Variants in CNTNAP2 observed in about 807,000 individuals in gnomAD.
The protein encoded by CNTNAP2 is contactin-associated protein-like 2.
In CNTNAP2, 98 loss-of-function variants were observed where a neutral mutation model predicts 155.2. That is an observed-to-expected ratio of 0.63 (90% CI 0.54 to 0.75). The LOEUF is 0.75. Ranked by LOEUF, CNTNAP2 falls within the 30% of genes least tolerant of loss-of-function variation. CNTNAP2 has a pLI of 0.00. For missense variants in CNTNAP2, 1,727 were observed against 1,688.1 expected (o/e 1.02, Z -0.40); for synonymous variants, 651 against 631.2 (o/e 1.03, Z -0.47).
At chr7:148,217,235 T>A in intron 18 of CNTNAP2, 53 bp from the exon 19 acceptor site, 2 of 1,574,762 alleles carry the variant, frequency 1.3e-6, no homozygotes, top group Middle Eastern at 1.7e-4. Context: ...CATTGTAGGG[T>A]ATCGGCATCA....
At chr7:148,097,706 TG>T (rs1804003116) in intron 15 of CNTNAP2, among the ~76,000 whole-genome samples, 2 of 152,304 alleles carry the variant, frequency 1.3e-5, no homozygotes, top group Admixed American at 1.3e-4. Flanking sequence ...TGTCTCCATG[TG>T]GATAGCGGTC....
chr7:148,096,101 C>T (rs1030676433), intron 15 of CNTNAP2, among the ~76,000 whole-genome samples: 24 of 152,274 alleles, frequency 1.6e-4, no homozygotes, highest in African/African-American at 5.5e-4. Flanking sequence ...AAAAATGGAT[C>T]TTCCTACTTA....
chr7:146,765,143 T>C (rs746827164), intron 1 of CNTNAP2, among the ~76,000 whole-genome samples: 1 of 152,164 alleles, frequency 6.6e-6, no homozygotes, highest in Non-Finnish European at 1.5e-5. Context: ...TAACTGACAG[T>C]AGTCAATAGT....
intron 1 of CNTNAP2, among the ~76,000 whole-genome samples, chr7:146,658,093 G>A (rs1191808646): frequency 6.6e-6 from 1 of 152,172 alleles, no homozygotes; most frequent in Non-Finnish European, 1.5e-5. Flanking sequence ...AACATTCCGT[G>A]TAAGGGGGTA....
At chr7:146,539,232 T>C (rs1407092893) in intron 1 of CNTNAP2, among the ~76,000 whole-genome samples, 1 of 152,060 alleles carries the variant, frequency 6.6e-6, no homozygotes, top group Non-Finnish European at 1.5e-5. Context: ...AAGTCCTTTT[T>C]CACAACGCTA....
At chr7:147,367,148 T>A (rs1216020995) in intron 9 of CNTNAP2, among the ~76,000 whole-genome samples, 4 of 152,220 alleles carry the variant, frequency 2.6e-5, no homozygotes, top group African/African-American at 9.6e-5. Flanking sequence ...CACTCTCCAA[T>A]GCATTGTTTT....
At chr7:147,832,724 TTAAA>T (rs1798571652) in intron 13 of CNTNAP2, among the ~76,000 whole-genome samples, 1 of 147,060 alleles carries the variant, frequency 6.8e-6, no homozygotes, top group Non-Finnish European at 1.5e-5. Flanking sequence ...TTTTATATTT[TTAAA>T]TAAATATTTT....
At chr7:147,567,522 G>A (rs1471600864) in intron 12 of CNTNAP2, among the ~76,000 whole-genome samples, 1 of 152,150 alleles carries the variant, frequency 6.6e-6, no homozygotes, top group African/African-American at 2.4e-5. Context: ...TGCAGAGGTT[G>A]AAAATGGAGA....
rs369699763 is a variant in CNTNAP2 at position 148,383,728 on chromosome 7, C to G, written c.3555C>G (p.Asn1185Lys). ...GTTGCCTCTCCAGAGTCCAGTTCAA[C>G]CAGATCGCCCCTCTCAAGGCCGCCT... Reference protein sequence around the residue: ...FTGCLSRVQFNQIAPLKAALR... With the variant: ...FTGCLSRVQFKQIAPLKAALR... Residue 1185 changes from asparagine to lysine, a missense_variant, in exon 22 of 24, where the codon AAC becomes AAG. Transcript: ENST00000361727. 11 of 1,614,216 alleles carry G rather than the reference C, an allele frequency of 6.8e-6. No homozygotes were observed. Among genetic ancestry groups the G allele is most frequent in the Non-Finnish European group, 8.5e-6 (10 of 1,180,030 alleles).
intron 13 of CNTNAP2, among the ~76,000 whole-genome samples, chr7:147,719,057 G>T (rs1008321405): frequency 5.3e-5 from 8 of 152,102 alleles, no homozygotes; most frequent in Non-Finnish European, 1.2e-4. Flanking sequence ...AATATTTTGT[G>T]ATTGTCTTGC....
chr7:146,699,244 C>G (rs1800834824), intron 1 of CNTNAP2, among the ~76,000 whole-genome samples: 1 of 152,050 alleles, frequency 6.6e-6, no homozygotes, highest in South Asian at 2.1e-4. Context: ...TGTTAGTCTG[C>G]CCAGGATTTA....
At chr7:147,556,019 G>A (rs1799945454) in intron 11 of CNTNAP2, among the ~76,000 whole-genome samples, 1 of 152,178 alleles carries the variant, frequency 6.6e-6, no homozygotes, top group East Asian at 1.9e-4. Flanking sequence ...GTATAGGCCT[G>A]CGGCCACGTC....
chr7:146,442,365 T>G (rs2129119852), intron 1 of CNTNAP2, among the ~76,000 whole-genome samples: 1 of 147,476 alleles, frequency 6.8e-6, no homozygotes, highest in South Asian at 2.1e-4. Flanking sequence ...TTCTAAATGT[T>G]ATGTGTGTTA....
At chr7:146,983,423 A>C (rs1280316633) in intron 3 of CNTNAP2, among the ~76,000 whole-genome samples, 1 of 150,918 alleles carries the variant, frequency 6.6e-6, no homozygotes, top group Admixed American at 6.6e-5. Context: ...AAACATAGAC[A>C]AAAAAAACAG....
chr7:146,157,616 C>A (rs1474063048), intron 1 of CNTNAP2, among the ~76,000 whole-genome samples: 1 of 152,186 alleles, frequency 6.6e-6, no homozygotes, highest in Admixed American at 6.5e-5. Flanking sequence ...GGGTCCCATG[C>A]CCACAGAGCC....
At chr7:146,961,118 C>G (rs1403527840) in intron 3 of CNTNAP2, among the ~76,000 whole-genome samples, 1 of 152,176 alleles carries the variant, frequency 6.6e-6, no homozygotes, top group African/African-American at 2.4e-5. Flanking sequence ...CTCTGGCTCA[C>G]AGGAACAAAA....
chr7:147,405,258 T>C (rs941484299), intron 10 of CNTNAP2, among the ~76,000 whole-genome samples: 11 of 152,204 alleles, frequency 7.2e-5, no homozygotes, highest in Admixed American at 3.9e-4. Flanking sequence ...TTTGATATCA[T>C]ATTACCTGCA....
intron 1 of CNTNAP2, among the ~76,000 whole-genome samples, chr7:146,758,738 C>A (rs1802034923): frequency 6.6e-6 from 1 of 152,148 alleles, no homozygotes; most frequent in Non-Finnish European, 1.5e-5. Context: ...CCTCCCACAA[C>A]AAGTGGAAAT....
At chr7:146,716,381 TCAAAA>T (rs747337438) in intron 1 of CNTNAP2, among the ~76,000 whole-genome samples, 13 of 146,928 alleles carry the variant, frequency 8.8e-5, no homozygotes, top group Non-Finnish European at 1.5e-4. Context: ...TTAAAAAAAC[TCAAAA>T]CAAAACAACT....
Sources: allele counts gnomAD v4.1 joint callset (sites outside exome capture counted in the v4.1 genomes callset), GRCh38; gene constraint gnomAD v4.1.1; transcripts MANE v1.5; gene names NCBI Gene and HGNC (gene_info 2026-07-23, HGNC 2026-07-21).